PCDH9: variants seen among roughly 807,000 people sequenced by gnomAD.
The protein encoded by PCDH9 is protocadherin-9.
Under a neutral mutation model 70.6 loss-of-function variants are expected in PCDH9, and 24 were observed. The observed-to-expected ratio is 0.34, with a 90% CI of 0.25 to 0.48. PCDH9 has a LOEUF of 0.48. Among genes scored for constraint, PCDH9 ranks in the 20% least tolerant of loss-of-function variants. The pLI is 0.99. For synonymous variants in PCDH9, 562 were observed against 558.5 expected, an observed-to-expected ratio of 1.01 and a Z score of -0.09; for missense variants, 1,281 against 1,503.6, an observed-to-expected ratio of 0.85 and a Z score of 2.45.
rs545315584 is a variant in PCDH9, at chr13:66,588,559, A to G, written c.3340+42651T>C. On this transcript the variant is annotated intron_variant, in intron 4 of 4. Transcript: ENST00000377865. ...ATATATGCACACTTCATATGTTTAA[A>G]CTTTTGAAAATTTACATAAAATTAA... Among the ~76,000 whole-genome samples, 5 of 151,964 alleles carry G rather than the reference A, an allele frequency of 3.3e-5. No homozygotes were observed. In the East Asian group the frequency reaches 9.7e-4, roughly 29 times the overall value.
intron 2 of PCDH9, among the ~76,000 whole-genome samples, chr13:67,060,700 A>G (rs1323147497): frequency 6.6e-6 from 1 of 152,034 alleles, no homozygotes; most frequent in African/African-American, 2.4e-5. Context: ...GTTTCCTTAA[A>G]TCACTCTCAG....
At chr13:66,657,533 A>C (rs2077948636) in intron 3 of PCDH9, among the ~76,000 whole-genome samples, 1 of 152,138 alleles carries the variant, frequency 6.6e-6, no homozygotes, top group Non-Finnish European at 1.5e-5. Flanking sequence ...GCTTTTACTG[A>C]CTCCAAATGT....
intron 3 of PCDH9, among the ~76,000 whole-genome samples, chr13:66,653,285 A>G (rs1266576522): frequency 6.6e-6 from 1 of 152,170 alleles, no homozygotes; most frequent in African/African-American, 2.4e-5. Context: ...CAACCAGACT[A>G]TATAAGGAGC....
intron 3 of PCDH9, among the ~76,000 whole-genome samples, chr13:66,644,289 G>A (rs900915567): frequency 2.0e-5 from 3 of 151,776 alleles, no homozygotes; most frequent in African/African-American, 7.2e-5. Flanking sequence ...AATAAAAAAT[G>A]CATCAATACT....
chr13:67,209,512 T>G (rs565030215), intron 2 of PCDH9: 2 of 152,250 alleles, frequency 1.3e-5, no homozygotes, highest in South Asian at 4.1e-4. Flanking sequence ...TAAAATAGTC[T>G]CTTTACCATA....
At position 66,485,823 on chromosome 13, in the gene PCDH9, C is replaced by G. The variant is rs552259068; in HGVS notation, c.3340+145387G>C. Among the ~76,000 whole-genome samples, 533 of 151,814 alleles carry G rather than the reference C, an allele frequency of 3.5e-3. 1 individual carries two copies. The highest frequency in any genetic ancestry group is 0.012 in the African/African-American group (514 of 41,392). ...ATGGAGTGATCTCAGCTCATTGCAA[C>G]CTCCGCCTCCTGGGTTCAAGTGATT... On this transcript the variant is annotated intron_variant, in intron 4 of 4. Coordinates refer to ENST00000377865, the MANE Select transcript of PCDH9 (RefSeq NM_203487.3).
intron 3 of PCDH9, among the ~76,000 whole-genome samples, chr13:66,662,022 A>G (rs1246456017): frequency 1.4e-5 from 2 of 148,118 alleles, no homozygotes; most frequent in Non-Finnish European, 3.0e-5. Flanking sequence ...GGCATGATGA[A>G]AAATTATCCT....
chr13:67,161,255 A>G (rs1276559193), intron 2 of PCDH9, among the ~76,000 whole-genome samples: 1 of 152,224 alleles, frequency 6.6e-6, no homozygotes, highest in East Asian at 1.9e-4. Context: ...AAGCATATGC[A>G]AACAGACAAA....
At chr13:66,683,049 A>C (rs9571621) in intron 3 of PCDH9, among the ~76,000 whole-genome samples, 46,741 of 152,036 alleles carry the variant, frequency 0.31, 8,190 homozygotes, top group East Asian at 0.51. Context: ...TCTAGGGACC[A>C]CTGACTTGTT....
intron 3 of PCDH9, among the ~76,000 whole-genome samples, chr13:66,840,500 G>A (rs1029715463): frequency 4.6e-5 from 7 of 152,086 alleles, no homozygotes; most frequent in East Asian, 3.9e-4. Flanking sequence ...TTTATTTAAC[G>A]TATCTATCTT....
intron 4 of PCDH9, among the ~76,000 whole-genome samples, chr13:66,549,213 ACCG>A: frequency 6.6e-6 from 1 of 152,164 alleles, no homozygotes; most frequent in East Asian, 1.9e-4. Flanking sequence ...ATGTATATAA[ACCG>A]TATGTATATG....
At chr13:66,702,609 G>A (rs1398015610) in intron 3 of PCDH9, among the ~76,000 whole-genome samples, 1 of 152,068 alleles carries the variant, frequency 6.6e-6, no homozygotes, top group African/African-American at 2.4e-5. Flanking sequence ...AGTATACAAA[G>A]GTAACTATGT....
At chr13:66,353,553 C>G (rs73505864) in intron 4 of PCDH9, among the ~76,000 whole-genome samples, 2,333 of 152,134 alleles carry the variant, frequency 0.015, 56 homozygotes, top group African/African-American at 0.054. Flanking sequence ...GCTCAAGAGG[C>G]AAATTTTTAG....
At chr13:66,454,667 G>C (rs918112529) in intron 4 of PCDH9, among the ~76,000 whole-genome samples, 4 of 152,080 alleles carry the variant, frequency 2.6e-5, no homozygotes, top group Admixed American at 2.0e-4. Flanking sequence ...TAAAGGTCAG[G>C]GGTTACTGGC....
At chr13:66,587,698 G>T (rs528670326) in intron 4 of PCDH9, among the ~76,000 whole-genome samples, 1 of 151,776 alleles carries the variant, frequency 6.6e-6, no homozygotes, top group Non-Finnish European at 1.5e-5. Context: ...TTCTAAGATC[G>T]TCAGAGGTAG....
intron 2 of PCDH9, among the ~76,000 whole-genome samples, chr13:67,030,697 C>A (rs2084888407): frequency 6.6e-6 from 1 of 152,226 alleles, no homozygotes; most frequent in African/African-American, 2.4e-5. Flanking sequence ...CTTTCTATAT[C>A]TCCTTAGCAC....
At chr13:67,030,661 T>C (rs1454060674) in intron 2 of PCDH9, among the ~76,000 whole-genome samples, 1 of 152,120 alleles carries the variant, frequency 6.6e-6, no homozygotes, top group Admixed American at 6.6e-5. Flanking sequence ...TGTGTACAAA[T>C]ATTATATATT....
At position 67,218,899 on chromosome 13, in the gene PCDH9, T is replaced by C. The variant is rs562554045; in HGVS notation, c.3036+6506A>G. The stretch of plus-strand genomic sequence containing the variant: ...CAAGCCCATCATTTAAAACGTGATA[T>C]GTGCTTATGGCACTCTAATCAATCA... On this transcript the variant is annotated intron_variant, in intron 2 of 4. Transcript: ENST00000377865. 7.9e-5 allele frequency: 12 copies of C among 152,174 alleles called. No homozygotes were observed. In the East Asian group the frequency reaches 2.1e-3, roughly 27 times the overall value. The allele number at this position is 152,174 out of a possible 1,614,324, so 9.4% of individuals were successfully genotyped here.
rs561973943 is a variant in PCDH9 at position 66,380,654 on chromosome 13, C to T, written c.3341-75626G>A. Among the ~76,000 whole-genome samples the T allele has an allele frequency of 2.0e-5, 3 of 149,196 alleles. No individual in the cohort carries two copies. In the East Asian group the frequency reaches 6.1e-4, roughly 30 times the overall value. On this transcript the variant is annotated intron_variant, in intron 4 of 4. Transcript: ENST00000377865. ...CGCCTCCCGGGTTCACGCCATTCTC[C>T]TGCCTCAGCCTCCTGAGTAACTGGG... is the stretch of plus-strand genomic sequence containing the variant.
Sources: gnomAD v4.1 joint callset for allele counts (sites outside exome capture counted in the v4.1 genomes callset) on GRCh38, gnomAD v4.1.1 for gene constraint, MANE v1.5 for transcripts, NCBI Gene and HGNC (gene_info 2026-07-23, HGNC 2026-07-21) for gene names.